Variants in INPP4B observed in about 807,000 individuals in gnomAD.
INPP4B encodes inositol polyphosphate-4-phosphatase type II B.
In INPP4B, 55 loss-of-function variants were observed where a neutral mutation model predicts 122.5. The observed-to-expected ratio is 0.45, with a 90% CI of 0.36 to 0.56. INPP4B has a LOEUF of 0.56. Among genes scored for constraint, INPP4B ranks in the 20% least tolerant of loss-of-function variants. The pLI is 0.00. For synonymous variants in INPP4B, 403 were observed against 388.7 expected (o/e 1.04, Z -0.43); for missense variants, 1,000 against 1,097.7 (o/e 0.91, Z 1.26).
chr4:142,527,834 T>C (rs958775305), intron 2 of INPP4B, among the ~76,000 whole-genome samples: 6 of 152,046 alleles, frequency 3.9e-5, no homozygotes, highest in Non-Finnish European at 8.8e-5. Context: ...TTATTTGTCT[T>C]AAAATTTTCC....
At position 142,041,239 on chromosome 4, in the gene INPP4B, A is replaced by C. The variant is rs537839313; in HGVS notation, c.2643-12325T>G. Among the ~76,000 whole-genome samples, 56 of 152,314 alleles carry C rather than the reference A, an allele frequency of 3.7e-4. 1 individual carries two copies. Among genetic ancestry groups the C allele is most frequent in the Middle Eastern group, 6.8e-3 (2 of 294 alleles). Reference sequence around the variant, plus strand: ...TTCTTCCCCTTAAAATGAGAAGGTTAACATCCATACCATAGGATTATTGTG... The same window carrying C: ...TTCTTCCCCTTAAAATGAGAAGGTTCACATCCATACCATAGGATTATTGTG... On this transcript the variant is annotated intron_variant, in intron 25 of 25. Coordinates refer to ENST00000262992, the MANE Select transcript of INPP4B (RefSeq NM_001101669.3).
intron 25 of INPP4B, among the ~76,000 whole-genome samples, chr4:142,071,269 A>T (rs2152485061): frequency 6.6e-6 from 1 of 152,372 alleles, no homozygotes; most frequent in South Asian, 2.1e-4. Flanking sequence ...GTGCTGGGAA[A>T]ACTGGCTAGC....
chr4:142,808,368 A>G (rs1261987177), intron 1 of INPP4B, among the ~76,000 whole-genome samples: 1 of 152,194 alleles, frequency 6.6e-6, no homozygotes, highest in African/African-American at 2.4e-5. Flanking sequence ...GATACATAAG[A>G]AAATGACAGA....
intron 7 of INPP4B, among the ~76,000 whole-genome samples, chr4:142,319,040 G>A (rs1768984192): frequency 6.6e-6 from 1 of 152,158 alleles, no homozygotes; most frequent in Non-Finnish European, 1.5e-5. Flanking sequence ...TTTTGCAGGT[G>A]AGTAGCTGAA....
chr4:142,843,355 T>G (rs947294024), intron 1 of INPP4B, among the ~76,000 whole-genome samples: 1 of 151,846 alleles, frequency 6.6e-6, no homozygotes, highest in African/African-American at 2.4e-5. Flanking sequence ...AATCAAAGGT[T>G]TCTAGCTCAA....
At chr4:142,667,144 C>T (rs560725764) in intron 2 of INPP4B, among the ~76,000 whole-genome samples, 38 of 152,306 alleles carry the variant, frequency 2.5e-4, no homozygotes, top group African/African-American at 8.7e-4. Context: ...ATCAGTAAAA[C>T]TTATTCCCTA....
chr4:142,839,223 T>C (rs964466583), intron 1 of INPP4B, among the ~76,000 whole-genome samples: 26 of 152,300 alleles, frequency 1.7e-4, no homozygotes, highest in African/African-American at 6.3e-4. Context: ...TTTTGGAGGC[T>C]AAGGCGGGTG....
intron 9 of INPP4B, among the ~76,000 whole-genome samples, chr4:142,294,178 C>A (rs948254799): frequency 1.3e-5 from 2 of 152,088 alleles, no homozygotes; most frequent in African/African-American, 4.8e-5. Context: ...ACCTTTGTAA[C>A]CCCTAAATGT....
intron 9 of INPP4B, among the ~76,000 whole-genome samples, chr4:142,273,366 T>G (rs972805803): frequency 1.3e-5 from 2 of 151,926 alleles, no homozygotes; most frequent in Admixed American, 6.6e-5. Context: ...TCTGAGACTA[T>G]AGTGAAAGGC....
At chr4:142,312,311 G>A (rs1765819183) in intron 8 of INPP4B, among the ~76,000 whole-genome samples, 1 of 152,134 alleles carries the variant, frequency 6.6e-6, no homozygotes, top group Non-Finnish European at 1.5e-5. Flanking sequence ...AGAGAGGAGA[G>A]ATCAGCATTT....
intron 17 of INPP4B, among the ~76,000 whole-genome samples, chr4:142,152,941 A>T (rs1045194425): frequency 2.0e-5 from 3 of 152,166 alleles, no homozygotes; most frequent in African/African-American, 7.2e-5. Flanking sequence ...ATATCTATTG[A>T]CTGACTTACT....
chr4:142,831,664 T>A (rs11936486), intron 1 of INPP4B, among the ~76,000 whole-genome samples: 10,795 of 152,172 alleles, frequency 0.071, 1,292 homozygotes, highest in African/African-American at 0.25. Flanking sequence ...CAAAAAGCAT[T>A]TTTTCCTCTT....
chr4:142,089,936 C>T (rs1273055088), intron 23 of INPP4B, among the ~76,000 whole-genome samples: 2 of 152,158 alleles, frequency 1.3e-5, no homozygotes, highest in African/African-American at 2.4e-5. Flanking sequence ...AAGGCTAAAA[C>T]TTTGTCTCTT....
chr4:142,721,717 A>T (rs772877177), intron 2 of INPP4B, among the ~76,000 whole-genome samples: 17 of 152,076 alleles, frequency 1.1e-4, no homozygotes, highest in African/African-American at 1.9e-4. Context: ...GCTACTTGGG[A>T]GGCTGAGGCA....
intron 15 of INPP4B, among the ~76,000 whole-genome samples, chr4:142,183,222 A>G (rs141371182): frequency 1.9e-3 from 282 of 152,236 alleles, no homozygotes; most frequent in Middle Eastern, 6.8e-3. Flanking sequence ...ACAACCCCCA[A>G]GTTGCCCCTA....
intron 2 of INPP4B, among the ~76,000 whole-genome samples, chr4:142,716,530 G>A (rs1763793346): frequency 6.6e-6 from 1 of 152,086 alleles, no homozygotes; most frequent in South Asian, 2.1e-4. Context: ...TCAACATCCT[G>A]ACAATTTTGA....
chr4:142,337,690 T>C (rs914848268), intron 7 of INPP4B, among the ~76,000 whole-genome samples: 7 of 141,148 alleles, frequency 5.0e-5, no homozygotes, highest in Non-Finnish European at 1.1e-4. Context: ...ATATATTATA[T>C]ATATTATTTT....
At chr4:142,080,563 T>C (rs1408966626) in intron 25 of INPP4B, among the ~76,000 whole-genome samples, 2 of 152,160 alleles carry the variant, frequency 1.3e-5, no homozygotes, top group East Asian at 3.8e-4. Context: ...AGCAAATGTA[T>C]TGCATATATA....
intron 1 of INPP4B, among the ~76,000 whole-genome samples, chr4:142,730,223 G>C (rs753983020): frequency 2.0e-5 from 3 of 152,140 alleles, no homozygotes; most frequent in Non-Finnish European, 2.9e-5. Flanking sequence ...AGGTGATCTG[G>C]TTTATAAATC....
Sources: gnomAD v4.1 joint callset for allele counts (sites outside exome capture counted in the v4.1 genomes callset) on GRCh38, gnomAD v4.1.1 for gene constraint, MANE v1.5 for transcripts, NCBI Gene and HGNC (gene_info 2026-07-23, HGNC 2026-07-21) for gene names.